ITSN1: variants seen among roughly 807,000 people sequenced by gnomAD.
The protein encoded by ITSN1 is intersectin 1.
In ITSN1, 58 loss-of-function variants were observed where a neutral mutation model predicts 239.8. The ratio of observed to expected loss-of-function variants is 0.24; its 90% CI spans 0.20 to 0.30. ITSN1 has a LOEUF of 0.30. Among genes scored for constraint, ITSN1 ranks in the 10% least tolerant of loss-of-function variants. The pLI is 1.00. For synonymous variants in ITSN1, 780 were observed against 770.8 expected (o/e 1.01, Z -0.20); for missense variants, 1,558 against 2,103.3 (o/e 0.74, Z 5.07).
chr21:33,704,203 G>C (rs578032766), intron 1 of ITSN1, among the ~76,000 whole-genome samples: 2 of 152,254 alleles, frequency 1.3e-5, no homozygotes, highest in East Asian at 1.9e-4. Context: ...ACGTCAGGAA[G>C]CTTTTCCTTT....
rs2147821225 is a variant in ITSN1 at position 33,775,204 on chromosome 21, A to G, written c.1596+96A>G. On this transcript the variant is annotated intron_variant, in intron 14 of 39. Coordinates refer to ENST00000381318, the MANE Select transcript of ITSN1 (RefSeq NM_003024.3). ...TTACTTATTCAGTAAACATTAAGCA[A>G]CTGTCTTGTACTAGGCACTGGGAAG... is the stretch of plus-strand genomic sequence containing the variant. The G allele has an allele frequency of 4.6e-6, 6 of 1,305,998 alleles. 1 individual carries two copies. The South Asian group carries it at 5.9e-5, about 13-fold the overall frequency. 80.9% of individuals were successfully genotyped at this position (1,305,998 alleles called of 1,614,324 possible). A position where few individuals can be genotyped will look rare whatever the true frequency, so the allele number is the denominator to read the frequency against.
chr21:33,883,894 GTT>G (rs34448559), intron 36 of ITSN1, among the ~76,000 whole-genome samples: 9 of 109,770 alleles, frequency 8.2e-5, no homozygotes, highest in Admixed American at 1.0e-4. Context: ...TTTTGCTTGA[GTT>G]TTTTTTTTTT....
At chr21:33,880,549 G>A (rs183114909) in intron 34 of ITSN1, among the ~76,000 whole-genome samples, 398 of 152,234 alleles carry the variant, frequency 2.6e-3, no homozygotes, top group Middle Eastern at 0.01. Context: ...TTTCCTCCTC[G>A]TGGCTGACAG....
intron 1 of ITSN1, among the ~76,000 whole-genome samples, chr21:33,656,940 C>T (rs1253905570): frequency 2.0e-5 from 3 of 152,140 alleles, no homozygotes; most frequent in African/African-American, 4.8e-5. Flanking sequence ...AGGCTGGTCA[C>T]GAACTCCTGA....
intron 14 of ITSN1, among the ~76,000 whole-genome samples, chr21:33,778,076 A>G (rs1026206695): frequency 1.3e-5 from 2 of 152,342 alleles, no homozygotes; most frequent in Admixed American, 6.5e-5. Context: ...GATGAAGTAC[A>G]TGGTTGCCAT....
At chr21:33,818,529 C>T in intron 23 of ITSN1, 57 bp downstream of exon 23, 2 of 1,385,112 alleles carry the variant, frequency 1.4e-6, no homozygotes, top group Non-Finnish European at 1.0e-6. Flanking sequence ...CGTTATATTA[C>T]TGTTTGCACT....
intron 1 of ITSN1, among the ~76,000 whole-genome samples, chr21:33,674,186 C>T (rs1437955639): frequency 1.3e-5 from 2 of 152,210 alleles, no homozygotes; most frequent in Non-Finnish European, 2.9e-5. Flanking sequence ...GGCATCTCTA[C>T]AGGTATGATT....
intron 30 of ITSN1, among the ~76,000 whole-genome samples, chr21:33,857,238 C>T (rs1979523289): frequency 6.6e-6 from 1 of 152,166 alleles, no homozygotes; most frequent in South Asian, 2.1e-4. Context: ...GCAGTGTTGG[C>T]ATCTGGAAAT....
intron 1 of ITSN1, among the ~76,000 whole-genome samples, chr21:33,700,090 T>G (rs868690874): frequency 4.0e-5 from 6 of 149,842 alleles, no homozygotes; most frequent in Admixed American, 2.0e-4. Flanking sequence ...TGTTGTTTTG[T>G]TTTTTTTTGG....
At position 33,768,889 on chromosome 21, in the gene ITSN1, A is replaced by G. The variant is rs543853031; in HGVS notation, c.1042+1061A>G. Among the ~76,000 whole-genome samples, 90 of 152,374 alleles carry G rather than the reference A, an allele frequency of 5.9e-4. 1 individual carries two copies. Among genetic ancestry groups the G allele is most frequent in the African/African-American group, 2.1e-3 (86 of 41,590 alleles). On this transcript the variant is annotated intron_variant, in intron 11 of 39. Coordinates refer to ENST00000381318, the MANE Select transcript of ITSN1 (RefSeq NM_003024.3). ...AGCCTGCATGTTGAGCAAAGAATCT[A>G]AATGTTAATACATGGTTCATACTTT...
chr21:33,649,218 C>T (rs571189209), intron 1 of ITSN1, among the ~76,000 whole-genome samples: 8 of 152,026 alleles, frequency 5.3e-5, no homozygotes, highest in Non-Finnish European at 1.2e-4. Context: ...GAATGTTGGC[C>T]ACTTTGGAGA....
At chr21:33,779,422 T>C (rs2069964270) in intron 14 of ITSN1, among the ~76,000 whole-genome samples, 1 of 152,238 alleles carries the variant, frequency 6.6e-6, no homozygotes, top group South Asian at 2.1e-4. Context: ...TTGTAATTTC[T>C]TCTAATTCTT....
intron 27 of ITSN1, among the ~76,000 whole-genome samples, 165 bp downstream of exon 27, chr21:33,829,910 G>A (rs1294823108): frequency 2.0e-5 from 3 of 152,170 alleles, no homozygotes; most frequent in African/African-American, 7.2e-5. Context: ...TGGTTCCTAA[G>A]TTTCAGACAG....
At chr21:33,742,328 T>C (rs2066912095) in intron 5 of ITSN1, among the ~76,000 whole-genome samples, 1 of 152,238 alleles carries the variant, frequency 6.6e-6, no homozygotes, top group Non-Finnish European at 1.5e-5. Context: ...GTGCTGGGAT[T>C]ACAGGCGTGA....
At chr21:33,822,479 G>A (rs1424204957) in intron 24 of ITSN1, among the ~76,000 whole-genome samples, 1 of 152,036 alleles carries the variant, frequency 6.6e-6, no homozygotes, top group African/African-American at 2.4e-5. Context: ...GAGAAAAAGG[G>A]GAAATAAGAA....
intron 1 of ITSN1, among the ~76,000 whole-genome samples, chr21:33,705,050 G>T (rs1411615192): frequency 3.3e-5 from 5 of 149,392 alleles, no homozygotes; most frequent in African/African-American, 1.2e-4. Context: ...GGCAGAGGTT[G>T]CAGTGAGCCG....
chr21:33,693,602 C>T (rs1384695017), intron 1 of ITSN1, among the ~76,000 whole-genome samples: 1 of 152,292 alleles, frequency 6.6e-6, no homozygotes, highest in African/African-American at 2.4e-5. Flanking sequence ...GGTGATCTAC[C>T]CTCCTCGACC....
At position 33,829,646 on chromosome 21, in the gene ITSN1, A is replaced by C. The variant is rs1361667246; in HGVS notation, c.3252A>C (p.Ser1084=). 6 of 1,612,090 alleles carry C rather than the reference A, an allele frequency of 3.7e-6. No homozygotes were observed. In the African/African-American group the frequency reaches 8.0e-5, roughly 22 times the overall value. Residue 1084 remains serine (S), a synonymous_variant, in exon 27 of 40, where the codon TCA becomes TCC. Coordinates refer to ENST00000381318, the MANE Select transcript of ITSN1 (RefSeq NM_003024.3). ...KKPEIAQVIA[S]YTATGPEQLT... is the part of the protein sequence containing the mutation. ...CAGAAATTGCCCAGGTTATTGCCTCATACACCGCCACCGGCCCCGAGCAGC... is the reference window on the plus strand; with the variant it reads ...CAGAAATTGCCCAGGTTATTGCCTCCTACACCGCCACCGGCCCCGAGCAGC...
At chr21:33,859,893 G>A (rs2148486256) in intron 31 of ITSN1, among the ~76,000 whole-genome samples, 1 of 152,294 alleles carries the variant, frequency 6.6e-6, no homozygotes, top group Middle Eastern at 3.4e-3. Context: ...GCCACCCGAT[G>A]CCGTGGAAGC....
Sources: allele counts gnomAD v4.1 joint callset (sites outside exome capture counted in the v4.1 genomes callset), GRCh38; gene constraint gnomAD v4.1.1; transcripts MANE v1.5; gene names NCBI Gene and HGNC (gene_info 2026-07-23, HGNC 2026-07-21).